TMEM232: variants seen among roughly 807,000 people sequenced by gnomAD.
The protein encoded by TMEM232 is transmembrane protein 232.
TMEM232 carries 80 observed loss-of-function variants against 78.8 expected under a neutral mutation model. The observed-to-expected ratio is 1.01, with a 90% confidence interval of 0.85 to 1.22. The LOEUF is 1.22. Among genes scored for constraint, TMEM232 ranks in the 50% most tolerant of loss-of-function variants. The pLI, the probability that TMEM232 is intolerant of heterozygous loss-of-function variation, is 0.00. For synonymous variants in TMEM232, 297 were observed against 254.3 expected, an observed-to-expected ratio of 1.17 and a Z score of -1.60; for missense variants, 881 against 742.2, an observed-to-expected ratio of 1.19 and a Z score of -2.17.
chr5:110,620,152 T>C (rs1783449109), intron 7 of TMEM232, among the ~76,000 whole-genome samples: 1 of 152,124 alleles, frequency 6.6e-6, no homozygotes, highest in Non-Finnish European at 1.5e-5. Flanking sequence ...AGTTTTATCT[T>C]CAATTTTATA....
At chr5:110,654,585 G>A (rs1788774028) in intron 2 of TMEM232, among the ~76,000 whole-genome samples, 1 of 152,186 alleles carries the variant, frequency 6.6e-6, no homozygotes, top group Non-Finnish European at 1.5e-5. Flanking sequence ...GTAGCGTGAT[G>A]CCTCCAGCTT....
chr5:110,473,325 A>T (rs965875017), intron 12 of TMEM232, among the ~76,000 whole-genome samples: 2 of 151,942 alleles, frequency 1.3e-5, no homozygotes, highest in African/African-American at 4.8e-5. Flanking sequence ...AAAGTTACAT[A>T]AAAATACTCA....
At chr5:110,610,475 T>C in intron 8 of TMEM232, 1 of 437,026 alleles carries the variant, frequency 2.3e-6, no homozygotes, top group South Asian at 1.7e-5. Flanking sequence ...TGGGAACACA[T>C]ATGAACTATG....
intron 12 of TMEM232, among the ~76,000 whole-genome samples, chr5:110,440,398 T>A (rs575676759): frequency 1.6e-4 from 25 of 152,122 alleles, no homozygotes; most frequent in Non-Finnish European, 3.2e-4. Context: ...CCTTGATTTA[T>A]CCCCTTCATC....
chr5:110,536,531 TCTTATAGTCACTGATTC>T (rs1341469667), intron 11 of TMEM232, among the ~76,000 whole-genome samples: 1 of 152,184 alleles, frequency 6.6e-6, no homozygotes, highest in African/African-American at 2.4e-5. Flanking sequence ...AACCTTCTTT[TCTTATAGTCACTGATTC>T]CTACATGTGA....
intron 8 of TMEM232, chr5:110,610,750 T>G: frequency 3.6e-6 from 1 of 280,112 alleles, no homozygotes; most frequent in Non-Finnish European, 7.2e-6. Context: ...GGAAACAACA[T>G]AGCAACATTT....
At chr5:110,445,170 T>G (rs1187307091) in intron 12 of TMEM232, among the ~76,000 whole-genome samples, 1 of 152,042 alleles carries the variant, frequency 6.6e-6, no homozygotes, top group African/African-American at 2.4e-5. Context: ...ATTTTCTGAT[T>G]GCCTTCTACA....
chr5:110,649,137 A>C (rs1787937058), intron 2 of TMEM232, among the ~76,000 whole-genome samples: 1 of 152,250 alleles, frequency 6.6e-6, no homozygotes, highest in East Asian at 1.9e-4. Flanking sequence ...TATACAAACA[A>C]TATAGACGAT....
chr5:110,588,435 G>T (rs1348137978), intron 10 of TMEM232, among the ~76,000 whole-genome samples: 1 of 152,056 alleles, frequency 6.6e-6, no homozygotes, highest in African/African-American at 2.4e-5. Flanking sequence ...CCAGCAAACT[G>T]AAGAAGTTAA....
At chr5:110,510,693 AAAAC>A (rs1300608631) in intron 12 of TMEM232, among the ~76,000 whole-genome samples, 1 of 152,246 alleles carries the variant, frequency 6.6e-6, no homozygotes, top group African/African-American at 2.4e-5. Context: ...CATATGAAAA[AAAAC>A]TCATCATCAC....
Position 110,550,472 on chromosome 5 carries a change from T to C in TMEM232, c.1455+17975A>G, listed in dbSNP as rs149522887. Among the ~76,000 whole-genome samples the C allele has an allele frequency of 4.7e-3, 717 of 152,130 alleles. 8 individuals carry two copies. Among genetic ancestry groups the C allele is most frequent in the Non-Finnish European group, 5.1e-3 (349 of 67,948 alleles). On this transcript the variant is annotated intron_variant, in intron 11 of 13. Transcript: ENST00000455884. ...AGTTTATGATGCTCACAAAAAAACA[T>C]GAATTTTTATGTAAAAAATAAACTT...
intron 12 of TMEM232, among the ~76,000 whole-genome samples, chr5:110,428,096 A>AT (rs1459037885): frequency 4.6e-5 from 7 of 151,646 alleles, no homozygotes; most frequent in Admixed American, 1.3e-4. Context: ...CATTCTTTTG[A>AT]TTTTTTGTAC....
intron 2 of TMEM232, among the ~76,000 whole-genome samples, chr5:110,652,269 C>G (rs1788415540): frequency 1.4e-5 from 2 of 145,460 alleles, no homozygotes; most frequent in South Asian, 2.2e-4. Flanking sequence ...AGACAACCCC[C>G]AAGCACACAA....
rs1477214662 is a variant in TMEM232, at chr5:110,625,382, T to A, written c.653A>T (p.Asn218Ile). Residue 218 changes from asparagine (N) to isoleucine (I), a missense_variant, in exon 7 of 14, where the codon AAT becomes ATT. Physicochemically the swap from Asn to Ile is moderately radical, Grantham distance 149 (BLOSUM62 -3). Transcript: ENST00000455884. ...CGAGGCTTTCAGGATGAATTGCACA[T>A]TTGAAAAGATGTTTGGATACTTGTG... ...SYHKYPNIFS[N>I]VQFILKASEI... 6.5e-7 allele frequency: 1 copy of A among 1,547,076 alleles called. No homozygotes were observed. Among genetic ancestry groups the A allele is most frequent in the Non-Finnish European group, 8.7e-7 (1 of 1,144,350 alleles).
intron 12 of TMEM232, among the ~76,000 whole-genome samples, chr5:110,469,098 C>A (rs1316307774): frequency 7.9e-5 from 12 of 152,136 alleles, no homozygotes. Flanking sequence ...TTCAGCAATC[C>A]TCATGAGAAT....
At chr5:110,528,885 G>GA (rs956405683) in intron 11 of TMEM232, 50 bp from the exon 12 acceptor site, 47 of 1,252,282 alleles carry the variant, frequency 3.8e-5, no homozygotes, top group African/African-American at 9.3e-5. Context: ...TTAAATGGGA[G>GA]AAAAAAAATC....
chr5:110,405,083 A>G (rs576451573), intron 2 of TMEM232, among the ~76,000 whole-genome samples: 1 of 152,268 alleles, frequency 6.6e-6, no homozygotes, highest in South Asian at 2.1e-4. Context: ...GCCCTGACCA[A>G]ATTGAATCCA....
chr5:110,631,358 A>G (rs898207202), intron 5 of TMEM232, among the ~76,000 whole-genome samples: 1 of 152,108 alleles, frequency 6.6e-6, no homozygotes, highest in Non-Finnish European at 1.5e-5. Context: ...TTGCAAGCAG[A>G]GAGAGAGATC....
chr5:110,400,882 A>G (rs1056902004), intron 2 of TMEM232, among the ~76,000 whole-genome samples: 1 of 152,074 alleles, frequency 6.6e-6, no homozygotes, highest in African/African-American at 2.4e-5. Flanking sequence ...TCTAGCTCCT[A>G]GGTAAAATTG....
Sources: allele counts gnomAD v4.1 joint callset (sites outside exome capture counted in the v4.1 genomes callset), GRCh38; gene constraint gnomAD v4.1.1; transcripts MANE v1.5; gene names NCBI Gene and HGNC (gene_info 2026-07-23, HGNC 2026-07-21).